Variants in ZFHX3 observed in about 807,000 individuals in gnomAD.
The protein encoded by ZFHX3 is zinc finger homeobox protein 3.
A neutral mutation model predicts 279.1 loss-of-function variants in ZFHX3; 42 were observed. The observed-to-expected ratio is 0.15, with a 90% CI of 0.12 to 0.19. The LOEUF (loss-of-function observed/expected upper bound fraction) is 0.19, where lower values mean the gene tolerates loss of function less well. Among genes scored for constraint, ZFHX3 ranks in the 10% least tolerant of loss-of-function variants. The probability of loss-of-function intolerance (pLI) is 1.00; values close to 1 mark genes in which losing one functional copy is unlikely to be tolerated. For missense variants in ZFHX3, 4,981 were observed against 4,754.0 expected, an observed-to-expected ratio of 1.05 and a Z score of -1.40; for synonymous variants, 2,293 against 1,957.8, an observed-to-expected ratio of 1.17 and a Z score of -4.52.
intron 3 of ZFHX3, among the ~76,000 whole-genome samples, chr16:72,926,524 G>A (rs1326051905): frequency 6.6e-6 from 1 of 152,244 alleles, no homozygotes; most frequent in Non-Finnish European, 1.5e-5. Context: ...AGCTGGAAGT[G>A]TCTCTGATCA....
chr16:73,725,469 C>G (rs893780317), intron 1 of ZFHX3, among the ~76,000 whole-genome samples: 1 of 151,970 alleles, frequency 6.6e-6, no homozygotes, highest in Non-Finnish European at 1.5e-5. Flanking sequence ...AGGGGCAAAG[C>G]GAGCAACTGA....
intron 2 of ZFHX3, chr16:73,486,822 C>G (rs2018982050): frequency 2.2e-6 from 1 of 456,044 alleles, no homozygotes; most frequent in African/African-American, 2.0e-5. Context: ...CCGTGGTCCA[C>G]TCTGCACTTT....
chr16:73,824,418 T>C (rs1312162449), intron 1 of ZFHX3, among the ~76,000 whole-genome samples: 1 of 147,654 alleles, frequency 6.8e-6, no homozygotes, highest in Non-Finnish European at 1.5e-5. Flanking sequence ...TTTTTTATTA[T>C]ACTTTAAGTT....
rs554135958 is a variant in ZFHX3, at chr16:73,646,395, A to G, written c.-1547+33785T>C. On this transcript the variant is annotated intron_variant, in intron 2 of 17. Transcript: ENST00000641206. The stretch of plus-strand genomic sequence containing the variant: ...GATCAAAATTTATTATTTATATTGT[A>G]TTTCATAGAAAATAAGAAAGAATGA... Among the ~76,000 whole-genome samples, 10 of 152,314 alleles carry G rather than the reference A, an allele frequency of 6.6e-5. No individual in the cohort carries two copies. The East Asian group carries it at 1.7e-3, about 26-fold the overall frequency.
intron 4 of ZFHX3, among the ~76,000 whole-genome samples, chr16:72,846,665 C>T (rs4788664): frequency 0.029 from 4,473 of 152,342 alleles, 468 homozygotes; most frequent in East Asian, 0.19. Context: ...ACAACCTGCA[C>T]GGCTTTAGCT....
At chr16:73,039,335 AC>A (rs1369531820) in intron 1 of ZFHX3, among the ~76,000 whole-genome samples, 1 of 152,184 alleles carries the variant, frequency 6.6e-6, no homozygotes, top group African/African-American at 2.4e-5. Context: ...AGGTGGAATC[AC>A]ATACGCAGAG....
rs113497421 is a variant in ZFHX3 at position 72,950,840 on chromosome 16, C to T, written c.2845G>A (p.Val949Ile). The T allele has an allele frequency of 1.3e-3, 2,145 of 1,614,148 alleles. 17 individuals are homozygous for T. In the African/African-American group the frequency reaches 0.017, roughly 13 times the overall value. Residue 949 changes from valine to isoleucine, a missense_variant, in exon 3 of 10, where the codon GTC becomes ATC. Around this residue, in one of 7 missense-constraint regions of ZFHX3, gnomAD observed 1,751 missense variants for 1,770.0 expected, o/e 0.99. Coordinates refer to ENST00000268489, the MANE Select transcript of ZFHX3 (RefSeq NM_006885.4). Reference sequence around the variant, plus strand: ...TTGTCCGTCGTGAACTTGTTGCAGACGGCGCACTGGAAGAGCTTCAGCGAC... The same window carrying T: ...TTGTCCGTCGTGAACTTGTTGCAGATGGCGCACTGGAAGAGCTTCAGCGAC... ...DPSLKLFQCAVCNKFTTDNLD... is the reference protein window; with the variant it reads ...DPSLKLFQCAICNKFTTDNLD...
In ZFHX3 at chr16:73,585,794, T is replaced by C. The variant is rs116388289; in HGVS notation, c.-1547+94386A>G. On this transcript the variant is annotated intron_variant, in intron 2 of 17. Coordinates refer to the ZFHX3 transcript ENST00000641206. ...TGGTAGGTAGTAAGTGCAGTTAAAA[T>C]GTTTCAAGGTCTTGGATGTTTCAGG... Among the ~76,000 whole-genome samples the C allele has an allele frequency of 3.2e-3, 486 of 152,290 alleles. 1 individual carries two copies. Among genetic ancestry groups the C allele is most frequent in the African/African-American group, 0.011 (470 of 41,568 alleles).
At chr16:73,183,592 A>T (rs886759643) in intron 5 of ZFHX3, among the ~76,000 whole-genome samples, 2 of 152,132 alleles carry the variant, frequency 1.3e-5, no homozygotes, top group Admixed American at 1.3e-4. Context: ...CAGCCTCTGG[A>T]GATGGTTGGG....
intron 1 of ZFHX3, among the ~76,000 whole-genome samples, chr16:73,691,753 T>C (rs974563): frequency 0.23 from 34,631 of 152,058 alleles, 4,459 homozygotes; most frequent in African/African-American, 0.35. Context: ...CCAGAAAGCA[T>C]CTTCTACAAT....
chr16:72,941,917 C>T (rs1403426026), intron 3 of ZFHX3, among the ~76,000 whole-genome samples: 7 of 152,290 alleles, frequency 4.6e-5, no homozygotes, highest in African/African-American at 1.7e-4. Context: ...TATACTTACT[C>T]AATACTACCG....
intron 1 of ZFHX3, among the ~76,000 whole-genome samples, chr16:73,763,952 C>T (rs1357067128): frequency 1.3e-5 from 2 of 152,088 alleles, no homozygotes; most frequent in East Asian, 3.9e-4. Flanking sequence ...GAAGTGAATC[C>T]TTCCCTAGTA....
In ZFHX3 at chr16:72,958,661, A is replaced by C; in HGVS notation, c.1485T>G (p.Phe495Leu). The C allele has an allele frequency of 6.2e-7, 1 of 1,613,742 alleles. No homozygotes were observed. Among genetic ancestry groups the C allele is most frequent in the Non-Finnish European group, 8.5e-7 (1 of 1,179,954 alleles). The change falls in exon 2 of 10, where the codon TTT (phenylalanine) becomes TTG (leucine). Residue 495 changes from phenylalanine to leucine, a missense_variant. Coordinates refer to ENST00000268489, the MANE Select transcript of ZFHX3 (RefSeq NM_006885.4). ...EEEDEGCKGL[F>L]PSELDEELED... ...CCAGTTCCTCATCCAACTCGCTTGG[A>C]AAGAGTCCTTTGCAACCCTCGTCTT... is the stretch of plus-strand genomic sequence containing the variant.
chr16:73,517,812 G>T (rs1432652264), intron 2 of ZFHX3, among the ~76,000 whole-genome samples: 1 of 152,068 alleles, frequency 6.6e-6, no homozygotes, highest in Non-Finnish European at 1.5e-5. Flanking sequence ...CAGTTGCTCA[G>T]GTCTAAAGCA....
rs186560564 is a variant in ZFHX3, at chr16:72,849,152, G to A, written c.3449-19293C>T. 2.6e-5 allele frequency among the ~76,000 whole-genome samples: 4 copies of A among 152,352 alleles called. No individual in the cohort carries two copies. In the East Asian group the frequency reaches 7.7e-4, roughly 29 times the overall value. On this transcript the variant is annotated intron_variant, in intron 4 of 9. Transcript: ENST00000268489. ...GCCCGCCCTCCAGGAGCACAGGGCA[G>A]TGCGTGTGAGCCACTGACGGAGAGT...
chr16:73,730,419 A>G (rs1264127612), intron 1 of ZFHX3, among the ~76,000 whole-genome samples: 1 of 152,070 alleles, frequency 6.6e-6, no homozygotes, highest in East Asian at 1.9e-4. Flanking sequence ...AAGACAAGAA[A>G]GAAAGAATCC....
At chr16:73,140,424 A>T (rs13338816) in intron 6 of ZFHX3, among the ~76,000 whole-genome samples, 22,103 of 152,102 alleles carry the variant, frequency 0.15, 1,882 homozygotes, top group African/African-American at 0.24. Flanking sequence ...CTATCATTGG[A>T]CCTGATTCAT....
rs569599439 is a variant in ZFHX3, at chr16:73,849,408, T to A, written c.-1608+42243A>T. On this transcript the variant is annotated intron_variant, in intron 1 of 17. Transcript: ENST00000641206. The stretch of plus-strand genomic sequence containing the variant: ...TTAGAACACTGGCTCTAATAGCCAA[T>A]GTGTTAGTTCTCTCCCGCTTTGCAT... Among the ~76,000 whole-genome samples the A allele has an allele frequency of 2.5e-3, 384 of 152,318 alleles. 2 individuals carry two copies. Among genetic ancestry groups the A allele is most frequent in the Non-Finnish European group, 4.2e-3 (289 of 68,018 alleles).
At chr16:73,261,958 A>G (rs2013840035) in intron 4 of ZFHX3, among the ~76,000 whole-genome samples, 1 of 152,188 alleles carries the variant, frequency 6.6e-6, no homozygotes, top group African/African-American at 2.4e-5. Flanking sequence ...TACAGGCGTG[A>G]GCTACGGCAC....
Sources: allele counts gnomAD v4.1 joint callset (sites outside exome capture counted in the v4.1 genomes callset), GRCh38; gene constraint gnomAD v4.1.1; regional missense constraint gnomAD v4.1.1; transcripts MANE v1.5; gene names NCBI Gene and HGNC (gene_info 2026-07-23, HGNC 2026-07-21).